Variants in DAAM1 observed in about 807,000 individuals in gnomAD.
DAAM1 encodes the protein disheveled-associated activator of morphogenesis 1.
In DAAM1, 52 loss-of-function variants were observed where a neutral mutation model predicts 130.0. The observed-to-expected ratio is 0.40, with a 90% confidence interval of 0.32 to 0.50. The LOEUF is 0.50. DAAM1 is among the 20% of genes least tolerant of loss of function. The pLI, the probability that DAAM1 is intolerant of heterozygous loss-of-function variation, is 0.61. For synonymous variants in DAAM1, 452 were observed against 444.5 expected, an observed-to-expected ratio of 1.02 and a Z score of -0.21; for missense variants, 1,134 against 1,303.8, an observed-to-expected ratio of 0.87 and a Z score of 2.01.
At chr14:59,275,397 T>C (rs1882920117) in intron 2 of DAAM1, among the ~76,000 whole-genome samples, 1 of 152,070 alleles carries the variant, frequency 6.6e-6, no homozygotes, top group African/African-American at 2.4e-5. Context: ...CAAGTTTACC[T>C]ATACAACAAA....
intron 1 of DAAM1, among the ~76,000 whole-genome samples, chr14:59,242,619 C>T (rs1026726332): frequency 9.9e-5 from 15 of 152,086 alleles, no homozygotes; most frequent in African/African-American, 2.4e-4. Flanking sequence ...AGTGCAGTGG[C>T]GTGATCTCGG....
intron 1 of DAAM1, among the ~76,000 whole-genome samples, chr14:59,231,396 T>C (rs1408900889): frequency 6.6e-6 from 1 of 152,172 alleles, no homozygotes; most frequent in Non-Finnish European, 1.5e-5. Context: ...AGCCCTACCC[T>C]TGAAGTTAAG....
At position 59,364,609 on chromosome 14, in the gene DAAM1, C is replaced by T. The variant is rs779917195; in HGVS notation, c.2826+827C>T. Among the ~76,000 whole-genome samples the T allele has an allele frequency of 4.6e-5, 7 of 151,540 alleles. No homozygotes were observed. In the South Asian group the frequency reaches 6.2e-4, roughly 13 times the overall value. ...CCATTGGTTCTTTTACTCTACCCAT[C>T]TCTCAGTTGCCACAACACTCTGAGT... On this transcript the variant is annotated intron_variant, in intron 23 of 24. Transcript: ENST00000360909.
At chr14:59,310,766 C>A (rs1361922327) in intron 3 of DAAM1, among the ~76,000 whole-genome samples, 1 of 152,052 alleles carries the variant, frequency 6.6e-6, no homozygotes, top group Non-Finnish European at 1.5e-5. Context: ...GTGTGTCTTT[C>A]TTCCTTGACA....
chr14:59,235,601 A>T (rs1889270933), intron 1 of DAAM1, among the ~76,000 whole-genome samples: 1 of 151,978 alleles, frequency 6.6e-6, no homozygotes, highest in African/African-American at 2.4e-5. Flanking sequence ...TCCTGGATTC[A>T]TTGATTTTTT....
At chr14:59,299,533 C>T (rs1202086324) in intron 3 of DAAM1, among the ~76,000 whole-genome samples, 1 of 152,098 alleles carries the variant, frequency 6.6e-6, no homozygotes, top group African/African-American at 2.4e-5. Context: ...CATATGCTGA[C>T]CTGGGATTAA....
chr14:59,348,875 A>C (rs1023202323), intron 17 of DAAM1, among the ~76,000 whole-genome samples: 2 of 152,182 alleles, frequency 1.3e-5, no homozygotes, highest in Non-Finnish European at 2.9e-5. Context: ...CGGCTGGAAT[A>C]GTCCTGGGGG....
intron 21 of DAAM1, 122 bp from the exon 22 acceptor site, chr14:59,360,680 G>T: frequency 1.4e-6 from 1 of 710,214 alleles, no homozygotes; most frequent in East Asian, 3.0e-5. Flanking sequence ...GAGCATGGAA[G>T]GGAATTTTAA....
At chr14:59,341,466 A>G (rs1885843952) in intron 16 of DAAM1, among the ~76,000 whole-genome samples, 1 of 152,210 alleles carries the variant, frequency 6.6e-6, no homozygotes, top group South Asian at 2.1e-4. Context: ...ACAACAAGAT[A>G]TTTGGAGGTA....
Position 59,331,292 on chromosome 14 carries a change from C to T in DAAM1, c.1644C>T (p.Leu548=). The T allele has an allele frequency of 1.9e-6, 3 of 1,612,682 alleles. No homozygotes were observed. The highest frequency in any genetic ancestry group is 2.2e-5 in the East Asian group (1 of 44,856). Residue 548 remains leucine, a synonymous_variant, in exon 14 of 25, where the codon CTC becomes CTT. Transcript: ENST00000360909. ...TTCCTTCCTCTGTGCCTGGATCTCT[C>T]CTTCCTCCCCCACCACCCCCACCTC... The part of the protein sequence containing the change: ...GPFPSSVPGS[L]LPPPPPPPLP...
At chr14:59,329,035 A>C (rs1016852397) in intron 12 of DAAM1, among the ~76,000 whole-genome samples, 10 of 152,206 alleles carry the variant, frequency 6.6e-5, no homozygotes, top group African/African-American at 2.4e-4. Flanking sequence ...CAGCACACCC[A>C]GGAAGTGCTC....
intron 1 of DAAM1, among the ~76,000 whole-genome samples, chr14:59,208,526 G>A (rs1888330957): frequency 3.3e-5 from 5 of 152,112 alleles, no homozygotes. Flanking sequence ...ACCATCTCTA[G>A]GCAGGTTTTG....
At chr14:59,189,066 CCTTT>C (rs1169877652) in intron 1 of DAAM1, among the ~76,000 whole-genome samples, 2 of 152,340 alleles carry the variant, frequency 1.3e-5, no homozygotes, top group East Asian at 3.9e-4. Context: ...GGGGTCCCTC[CCTTT>C]CTTTCTAAGG....
chr14:59,243,214 G>GT (rs1183772856), intron 1 of DAAM1, among the ~76,000 whole-genome samples: 1 of 152,144 alleles, frequency 6.6e-6, no homozygotes, highest in Admixed American at 6.5e-5. Context: ...GCAGTATCTG[G>GT]TTTTGTATTT....
At chr14:59,336,243 T>C (rs894011584) in intron 15 of DAAM1, among the ~76,000 whole-genome samples, 1 of 152,218 alleles carries the variant, frequency 6.6e-6, no homozygotes, top group Non-Finnish European at 1.5e-5. Context: ...ATTGTGGAAT[T>C]CAATCTATAG....
intron 2 of DAAM1, among the ~76,000 whole-genome samples, chr14:59,272,250 C>T (rs1882742226): frequency 6.6e-6 from 1 of 152,118 alleles, no homozygotes; most frequent in Non-Finnish European, 1.5e-5. Context: ...CTAAAGGAAA[C>T]AATCAGTTGA....
Position 59,363,627 on chromosome 14 carries a change from C to T in DAAM1, c.2695-24C>T, listed in dbSNP as rs1428393984. 3.7e-6 allele frequency: 6 copies of T among 1,613,648 alleles called. 1 individual carries two copies. In the Admixed American group the frequency reaches 1.0e-4, roughly 27 times the overall value. ...TGTCTGTATTTGAAGCCTGCATTGA[C>T]ATTATTCATTTCCTGTGTTTAAGGA... On this transcript the variant is annotated intron_variant, in intron 22 of 24. Coordinates refer to ENST00000360909, the MANE Select transcript of DAAM1 (RefSeq NM_001270520.2).
chr14:59,349,744 T>C (rs1377448054), intron 17 of DAAM1, among the ~76,000 whole-genome samples: 1 of 152,238 alleles, frequency 6.6e-6, no homozygotes, highest in Admixed American at 6.5e-5. Context: ...GATATTTGCT[T>C]GACTCCTGAT....
chr14:59,202,758 C>T (rs1261012274), intron 1 of DAAM1, among the ~76,000 whole-genome samples: 1 of 152,172 alleles, frequency 6.6e-6, no homozygotes, highest in African/African-American at 2.4e-5. Flanking sequence ...TTATTTGGAG[C>T]ATTTTCATTT....
Sources: allele counts gnomAD v4.1 joint callset (sites outside exome capture counted in the v4.1 genomes callset), GRCh38; gene constraint gnomAD v4.1.1; transcripts MANE v1.5; gene names NCBI Gene and HGNC (gene_info 2026-07-23, HGNC 2026-07-21).